CDH12: variants seen among roughly 807,000 people sequenced by gnomAD.
CDH12 encodes the protein cadherin 12, also known as cadherin-12.
CDH12 carries 41 observed loss-of-function variants against 74.1 expected under a neutral mutation model. The observed-to-expected ratio is 0.55, with a 90% CI of 0.43 to 0.72. The LOEUF (loss-of-function observed/expected upper bound fraction) is 0.72, where lower values mean the gene tolerates loss of function less well. Ranked by LOEUF, CDH12 falls within the 30% of genes least tolerant of loss-of-function variation. The pLI, the probability that CDH12 is intolerant of heterozygous loss-of-function variation, is 0.00. For missense variants in CDH12, 945 were observed against 977.2 expected (o/e 0.97, Z 0.44); for synonymous variants, 399 against 355.0 (o/e 1.12, Z -1.39).
intron 2 of CDH12, among the ~76,000 whole-genome samples, chr5:22,479,566 C>T (rs1311373913): frequency 6.6e-6 from 1 of 152,096 alleles, no homozygotes; most frequent in Non-Finnish European, 1.5e-5. Context: ...AGCTTGTTGA[C>T]TTGAATAGAT....
intron 6 of CDH12, among the ~76,000 whole-genome samples, chr5:21,909,892 C>A (rs1753792961): frequency 6.6e-6 from 1 of 152,236 alleles, no homozygotes; most frequent in Non-Finnish European, 1.5e-5. Flanking sequence ...AAACCAATAT[C>A]TTAAATATCT....
chr5:22,427,901 G>T (rs1050226176), intron 2 of CDH12, among the ~76,000 whole-genome samples: 19 of 152,228 alleles, frequency 1.2e-4, no homozygotes, highest in Middle Eastern at 3.4e-3. Context: ...AAGTCATTTT[G>T]TGAAATATCA....
At chr5:21,990,739 TAC>T (rs1273113476) in intron 5 of CDH12, among the ~76,000 whole-genome samples, 79 of 151,318 alleles carry the variant, frequency 5.2e-4, no homozygotes, top group African/African-American at 1.6e-3. Flanking sequence ...ACACTATGAT[TAC>T]AATCCTTCTA....
chr5:22,421,733 T>C lies in CDH12; in HGVS notation c.-427-16382A>G, dbSNP rs372134799. 2.2e-3 allele frequency among the ~76,000 whole-genome samples: 334 copies of C among 152,308 alleles called. 4 individuals carry two copies. The highest frequency in any genetic ancestry group is 3.1e-3 in the Non-Finnish European group (213 of 68,028). ...TGGGATTGCTGGGCCAAATGGTATT[T>C]CTGGTTCTAGATCCTTGAGGAATCA... is the stretch of plus-strand genomic sequence containing the variant. On this transcript the variant is annotated intron_variant, in intron 2 of 14. Coordinates refer to ENST00000382254, the MANE Select transcript of CDH12 (RefSeq NM_004061.5).
At chr5:22,377,132 G>A (rs1195518405) in intron 3 of CDH12, among the ~76,000 whole-genome samples, 2 of 152,024 alleles carry the variant, frequency 1.3e-5, no homozygotes, top group African/African-American at 2.4e-5. Context: ...GAGTGAACAC[G>A]TGGGTTTCCA....
intron 6 of CDH12, among the ~76,000 whole-genome samples, chr5:21,880,506 C>G (rs1441719424): frequency 1.4e-4 from 1 of 7,230 alleles, no homozygotes; most frequent in African/African-American, 1.6e-4. Context: ...TTCCTTCCTC[C>G]CTCCCTCCCT....
At chr5:22,468,484 T>A (rs1436931097) in intron 2 of CDH12, among the ~76,000 whole-genome samples, 2 of 152,290 alleles carry the variant, frequency 1.3e-5, no homozygotes, top group East Asian at 3.9e-4. Flanking sequence ...ATATTCAGTT[T>A]TTGGAAAGCT....
chr5:22,534,836 G>A (rs1023500509), intron 1 of CDH12, among the ~76,000 whole-genome samples: 3 of 150,966 alleles, frequency 2.0e-5, no homozygotes, highest in African/African-American at 7.3e-5. Flanking sequence ...GTTCAAACAG[G>A]GTAATTAGTA....
intron 1 of CDH12, among the ~76,000 whole-genome samples, chr5:22,606,511 A>G (rs1737126896): frequency 6.6e-6 from 1 of 152,146 alleles, no homozygotes; most frequent in Non-Finnish European, 1.5e-5. Context: ...AGTTCTCACG[A>G]GATCTGATGG....
intron 1 of CDH12, among the ~76,000 whole-genome samples, chr5:22,626,379 C>A (rs1433081094): frequency 2.6e-5 from 4 of 152,148 alleles, no homozygotes; most frequent in African/African-American, 9.7e-5. Flanking sequence ...ATCATCTCAA[C>A]CTCTTAAATG....
At chr5:22,134,419 G>T (rs1310194351) in intron 4 of CDH12, among the ~76,000 whole-genome samples, 1 of 152,026 alleles carries the variant, frequency 6.6e-6, no homozygotes, top group Admixed American at 6.6e-5. Flanking sequence ...AGCGGGTGGG[G>T]TGTAGTTGGG....
chr5:22,600,848 T>G (rs1378362725), intron 1 of CDH12, among the ~76,000 whole-genome samples: 1 of 152,104 alleles, frequency 6.6e-6, no homozygotes, highest in Non-Finnish European at 1.5e-5. Flanking sequence ...CTTACAGTAA[T>G]TCAAGTATTT....
chr5:22,319,444 A>G (rs1393252760), intron 3 of CDH12, among the ~76,000 whole-genome samples: 4 of 152,212 alleles, frequency 2.6e-5, no homozygotes, highest in African/African-American at 7.2e-5. Context: ...CTAGCAGCAC[A>G]GTACGGAAAT....
At chr5:22,730,648 T>C (rs1169326086) in intron 1 of CDH12, among the ~76,000 whole-genome samples, 1 of 151,824 alleles carries the variant, frequency 6.6e-6, no homozygotes, top group African/African-American at 2.4e-5. Flanking sequence ...TGAACAGATG[T>C]AGCTGTTCAA....
chr5:22,439,191 A>C (rs987510231), intron 2 of CDH12, among the ~76,000 whole-genome samples: 1 of 151,954 alleles, frequency 6.6e-6, no homozygotes, highest in Non-Finnish European at 1.5e-5. Flanking sequence ...AATACATATA[A>C]TTATTAAAAT....
At chr5:22,444,694 C>T (rs534434425) in intron 2 of CDH12, among the ~76,000 whole-genome samples, 4 of 151,802 alleles carry the variant, frequency 2.6e-5, no homozygotes, top group East Asian at 1.9e-4. Context: ...CTGAACTCAG[C>T]GGTATATATT....
intron 1 of CDH12, among the ~76,000 whole-genome samples, chr5:22,821,409 A>G (rs1749694572): frequency 6.6e-6 from 1 of 152,166 alleles, no homozygotes; most frequent in South Asian, 2.1e-4. Context: ...AGGAAGAAAT[A>G]AAGGGTATTC....
intron 5 of CDH12, among the ~76,000 whole-genome samples, chr5:22,027,631 G>C (rs933176621): frequency 2.0e-5 from 3 of 152,112 alleles, no homozygotes; most frequent in Non-Finnish European, 4.4e-5. Flanking sequence ...TCTGATGGTA[G>C]TTTGTATTTC....
chr5:22,580,451 C>T (rs1156923799), intron 1 of CDH12: 20 of 512,074 alleles, frequency 3.9e-5, no homozygotes, highest in African/African-American at 2.9e-4. Flanking sequence ...ACTTGACAAA[C>T]CTGGCGACTG....
Sources: allele counts gnomAD v4.1 joint callset (sites outside exome capture counted in the v4.1 genomes callset), GRCh38; gene constraint gnomAD v4.1.1; transcripts MANE v1.5; gene names NCBI Gene and HGNC (gene_info 2026-07-23, HGNC 2026-07-21).